Variants in PCDHGB5 observed in about 807,000 individuals in gnomAD.
PCDHGB5 encodes protocadherin gamma-B5.
Under a neutral mutation model 62.9 loss-of-function variants are expected in PCDHGB5, and 48 were observed. The observed-to-expected ratio is 0.76, with a 90% confidence interval of 0.61 to 0.97. PCDHGB5 has a LOEUF of 0.97. Ranked by LOEUF, PCDHGB5 falls within the 50% of genes least tolerant of loss-of-function variation. The pLI is 0.00. For missense variants in PCDHGB5, 1,118 were observed against 1,198.6 expected, an observed-to-expected ratio of 0.93 and a Z score of 0.99; for synonymous variants, 474 against 511.2, an observed-to-expected ratio of 0.93 and a Z score of 0.98.
chr5:141,420,401 A>G, intron 1 of PCDHGB5: 1 of 1,249,172 alleles, frequency 8.0e-7, no homozygotes. Flanking sequence ...GGTCAAATTT[A>G]TGGTTATCAT....
rs1344329529 is a variant in PCDHGB5, at chr5:141,456,847, C to T, written c.2398-37960C>T. Among the ~76,000 whole-genome samples the T allele has an allele frequency of 2.0e-5, 3 of 152,084 alleles. No homozygotes were observed. The East Asian group carries it at 5.8e-4, about 29-fold the overall frequency. ...TCGTGGTAGTGGGCGCCTGTAATCC[C>T]AGCTAATTGGGAGGCTGAGGCAGGA... On this transcript the variant is annotated intron_variant, in intron 1 of 3. Transcript: ENST00000617380.
At chr5:141,423,562 AC>A in intron 1 of PCDHGB5, 1 of 1,613,612 alleles carries the variant, frequency 6.2e-7, no homozygotes, top group Non-Finnish European at 8.5e-7. Flanking sequence ...CTATGGGGAC[AC>A]GCTCATCAGC....
chr5:141,434,795 T>C (rs1027924206), intron 1 of PCDHGB5, among the ~76,000 whole-genome samples: 2 of 152,004 alleles, frequency 1.3e-5, no homozygotes, highest in African/African-American at 2.4e-5. Context: ...TTTTTTTTTC[T>C]GAGCTTGGAG....
chr5:141,429,416 T>C (rs527999196), intron 1 of PCDHGB5, among the ~76,000 whole-genome samples: 1 of 152,230 alleles, frequency 6.6e-6, no homozygotes, highest in Admixed American at 6.5e-5. Flanking sequence ...GGTCTCATTA[T>C]GTTGCCCAGG....
chr5:141,399,510 C>G lies in PCDHGB5; in HGVS notation c.1383C>G (p.Asn461Lys). 1 of 1,614,040 alleles carries G rather than the reference C, an allele frequency of 6.2e-7. No individual in the cohort carries two copies. Among genetic ancestry groups the G allele is most frequent in the East Asian group, 2.2e-5 (1 of 44,868 alleles). Reference protein sequence around the residue: ...ASYLVSVPENNPPGASIAQVC... With the variant: ...ASYLVSVPENKPPGASIAQVC... The stretch of plus-strand genomic sequence containing the variant: ...ACTTAGTCAGTGTACCCGAAAACAA[C>G]CCTCCTGGGGCCTCCATCGCGCAAG... Residue 461 changes from asparagine (N) to lysine (K), a missense_variant, in exon 1 of 4, where the codon AAC (asparagine) becomes AAG (lysine). Asn to Lys is a moderately conservative substitution (Grantham distance 94). Transcript: ENST00000617380.
At chr5:141,498,632 A>G (rs2099784830) in intron 2 of PCDHGB5, among the ~76,000 whole-genome samples, 1 of 152,118 alleles carries the variant, frequency 6.6e-6, no homozygotes, top group South Asian at 2.1e-4. Context: ...CACTGCCTAG[A>G]CAGAAGGAAG....
intron 1 of PCDHGB5, chr5:141,442,419 T>TG (rs1214499832): frequency 1.3e-5 from 2 of 152,192 alleles, no homozygotes; most frequent in African/African-American, 4.8e-5. Context: ...AGTGAACTTC[T>TG]TTTTTGAATC....
intron 2 of PCDHGB5, among the ~76,000 whole-genome samples, chr5:141,503,292 A>G (rs7710319): frequency 6.6e-6 from 1 of 151,928 alleles, no homozygotes; most frequent in African/African-American, 2.4e-5. Flanking sequence ...TGGTACATAG[A>G]AATTGCTCAA....
chr5:141,489,470 T>C lies in PCDHGB5; in HGVS notation c.2398-5337T>C, dbSNP rs1030378524. 1 of 1,613,874 alleles carries C rather than the reference T, an allele frequency of 6.2e-7. No homozygotes were observed. The highest frequency in any genetic ancestry group is 8.5e-7 in the Non-Finnish European group (1 of 1,179,838). ...GAGGAGAATGGGCGCTATTTTTCCCTGAGCTTGATGAGTGGTGCCCTGGCA... is the reference window on the plus strand; with the variant it reads ...GAGGAGAATGGGCGCTATTTTTCCCCGAGCTTGATGAGTGGTGCCCTGGCA... On this transcript the variant is annotated intron_variant, in intron 1 of 3. Transcript: ENST00000617380. This position sits in a 1 kb window ranked among gnomAD's most constrained non-coding sequence, Gnocchi z 4.5.
intron 1 of PCDHGB5, among the ~76,000 whole-genome samples, chr5:141,462,337 T>C (rs1053544147): frequency 6.6e-6 from 1 of 152,260 alleles, no homozygotes; most frequent in Non-Finnish European, 1.5e-5. Context: ...TTAATTGTAT[T>C]GTGATCCAAA....
intron 1 of PCDHGB5, chr5:141,418,168 G>T (rs2096233804): frequency 6.2e-7 from 1 of 1,613,946 alleles, no homozygotes. Context: ...GAAGATGTGA[G>T]TTGCAATTGG....
Position 141,486,902 on chromosome 5 carries a change from C to T in PCDHGB5, c.2398-7905C>T, listed in dbSNP as rs2099636761. On this transcript the variant is annotated intron_variant, in intron 1 of 3. Transcript: ENST00000617380. This position sits in a 1 kb window ranked among gnomAD's most constrained non-coding sequence, Gnocchi z 5.0. ...TCGGGCCCGGCCTGGTTCCTTATGT[C>T]CCCAAGCACTGCCTCCATCAGTTGG... 1 of 1,614,226 alleles carries T rather than the reference C, an allele frequency of 6.2e-7. No individual in the cohort carries two copies. The highest frequency in any genetic ancestry group is 8.5e-7 in the Non-Finnish European group (1 of 1,180,044).
At chr5:141,452,084 C>CGG (rs1561946918) in intron 1 of PCDHGB5, among the ~76,000 whole-genome samples, 1 of 152,170 alleles carries the variant, frequency 6.6e-6, no homozygotes, top group Non-Finnish European at 1.5e-5. Context: ...TGGCATTATA[C>CGG]AGTAAGAAAG....
chr5:141,475,679 T>A (rs967189869), intron 1 of PCDHGB5, among the ~76,000 whole-genome samples: 2 of 152,236 alleles, frequency 1.3e-5, no homozygotes, highest in African/African-American at 4.8e-5. Flanking sequence ...GAGTCTTGAT[T>A]TGGATTGGAG....
chr5:141,472,980 C>CAAAAAAAAAAAAAAAAAGAAAAAAAA (rs2099309731), intron 1 of PCDHGB5, among the ~76,000 whole-genome samples: 1 of 86,100 alleles, frequency 1.2e-5, no homozygotes, highest in African/African-American at 3.9e-5. Flanking sequence ...GAGTGAAACT[C>CAAAAAAAAAAAAAAAAAGAAAAAAAA]AAAAAAAAAA....
At chr5:141,478,236 T>C (rs2099440813) in intron 1 of PCDHGB5, 3 of 1,614,156 alleles carry the variant, frequency 1.9e-6, no homozygotes, top group Non-Finnish European at 2.5e-6. Flanking sequence ...GGGTTTGTGG[T>C]CACAGTGTTC....
intron 1 of PCDHGB5, chr5:141,419,798 A>G: frequency 6.2e-7 from 1 of 1,614,050 alleles, no homozygotes; most frequent in Admixed American, 1.7e-5. Flanking sequence ...AGTCGCTGTA[A>G]GAGATGGAGG....
chr5:141,463,208 C>G (rs895284460), intron 1 of PCDHGB5, among the ~76,000 whole-genome samples: 1 of 152,090 alleles, frequency 6.6e-6, no homozygotes, highest in African/African-American at 2.4e-5. Flanking sequence ...CTTGGGGATC[C>G]ATATTAATAT....
rs543908773 is a variant in PCDHGB5, at chr5:141,400,145, A to G, written c.2018A>G (p.Asp673Gly). ...SLQEVLPDIT[D>G]RPVPSDPQAE... ...CAGGAGGTGCTGCCGGATATCACTG[A>G]CCGCCCTGTACCCTCTGACCCCCAG... Residue 673 changes from aspartate to glycine, a missense_variant, in exon 1 of 4, where the codon GAC becomes GGC. Around this residue, in one of 2 missense-constraint regions of PCDHGB5, gnomAD observed 1,034 missense variants for 1,029.1 expected, o/e 1.00. Coordinates refer to ENST00000617380, the MANE Select transcript of PCDHGB5 (RefSeq NM_018925.3). The G allele has an allele frequency of 4.1e-5, 66 of 1,613,312 alleles. No individual in the cohort carries two copies. The South Asian group carries it at 5.4e-4, about 13-fold the overall frequency.
Sources: allele counts gnomAD v4.1 joint callset (sites outside exome capture counted in the v4.1 genomes callset), GRCh38; gene constraint gnomAD v4.1.1; regional missense constraint gnomAD v4.1.1; non-coding constraint Gnocchi (gnomAD v3.1); transcripts MANE v1.5; gene names NCBI Gene and HGNC (gene_info 2026-07-23, HGNC 2026-07-21).